Variants in ZSCAN5A observed in about 807,000 individuals in gnomAD.
The protein encoded by ZSCAN5A is zinc finger and SCAN domain-containing protein 5A.
Under a neutral mutation model 23.7 loss-of-function variants are expected in ZSCAN5A, and 12 were observed. The ratio of observed to expected loss-of-function variants is 0.51; its 90% CI spans 0.32 to 0.82. The LOEUF is 0.82. ZSCAN5A is among the 40% of genes least tolerant of loss of function. ZSCAN5A has a pLI of 0.03. For missense variants in ZSCAN5A, 597 were observed against 617.9 expected (o/e 0.97, Z 0.36); for synonymous variants, 257 against 239.9 (o/e 1.07, Z -0.66).
chr19:56,344,347 C>G (rs1364441781), intron 2 of ZSCAN5A, among the ~76,000 whole-genome samples: 4 of 152,172 alleles, frequency 2.6e-5, no homozygotes, highest in Non-Finnish European at 5.9e-5. Context: ...ATATCAATGT[C>G]TTATTTATTA....
At chr19:56,334,174 G>A (rs73628710) in intron 2 of ZSCAN5A, among the ~76,000 whole-genome samples, 2,941 of 152,272 alleles carry the variant, frequency 0.019, 110 homozygotes, top group African/African-American at 0.066. Context: ...GGTGTGACTA[G>A]CCATGGAGAT....
At chr19:56,227,778 G>A (rs1315411563) in intron 2 of ZSCAN5A, among the ~76,000 whole-genome samples, 2 of 152,144 alleles carry the variant, frequency 1.3e-5, no homozygotes, top group East Asian at 3.9e-4. Flanking sequence ...GTGTGTGGCA[G>A]GCAAAGTGGC....
intron 2 of ZSCAN5A, among the ~76,000 whole-genome samples, chr19:56,267,415 C>A (rs2037552825): frequency 6.6e-6 from 1 of 152,160 alleles, no homozygotes; most frequent in Admixed American, 6.5e-5. Flanking sequence ...CGCTTAGTAT[C>A]ATGATTTAGA....
At chr19:56,238,021 GAAAC>G (rs1373201610) in intron 2 of ZSCAN5A, among the ~76,000 whole-genome samples, 2 of 1,200 alleles carry the variant, frequency 1.7e-3, no homozygotes, top group Non-Finnish European at 4.1e-3. Context: ...ACACGTCAAA[GAAAC>G]AAAAAGCAAG....
At chr19:56,276,978 C>T (rs938574524) in intron 2 of ZSCAN5A, among the ~76,000 whole-genome samples, 4 of 151,912 alleles carry the variant, frequency 2.6e-5, no homozygotes, top group South Asian at 2.1e-4. Flanking sequence ...CAAATAAGCA[C>T]ATAAAAAGAT....
At chr19:56,293,692 A>G (rs1011188332) in intron 2 of ZSCAN5A, among the ~76,000 whole-genome samples, 2 of 152,130 alleles carry the variant, frequency 1.3e-5, no homozygotes, top group African/African-American at 2.4e-5. Context: ...ATGATTCCCA[A>G]TTGGGGAGAT....
chr19:56,261,203 CA>C (rs71293970), intron 2 of ZSCAN5A, among the ~76,000 whole-genome samples: 145 of 136,440 alleles, frequency 1.1e-3, no homozygotes, highest in African/African-American at 2.5e-3. Flanking sequence ...GCAAGACTCT[CA>C]AAAAAAAAAA....
At chr19:56,321,885 C>T (rs2041379634) in intron 2 of ZSCAN5A, 1 of 794,816 alleles carries the variant, frequency 1.3e-6, no homozygotes, top group Non-Finnish European at 2.3e-6. Context: ...TTGGCACGCT[C>T]ATCAAGGGCT....
At chr19:56,335,417 C>T (rs1198997736) in intron 2 of ZSCAN5A, among the ~76,000 whole-genome samples, 1 of 152,054 alleles carries the variant, frequency 6.6e-6, no homozygotes, top group Non-Finnish European at 1.5e-5. Flanking sequence ...GCTAGCCAGG[C>T]CAACATTTCC....
intron 1 of ZSCAN5A, among the ~76,000 whole-genome samples, chr19:56,313,975 G>C (rs908734233): frequency 6.6e-6 from 1 of 152,174 alleles, no homozygotes; most frequent in African/African-American, 2.4e-5. Context: ...ATTTGGCAAT[G>C]TCTGGAGACA....
rs2041672523 is a variant in ZSCAN5A at position 56,352,300 on chromosome 19, A to G, written c.-358+10935T>C. On this transcript the variant is annotated intron_variant, in intron 2 of 6. Coordinates refer to the ZSCAN5A transcript ENST00000587340. This position sits in a 1 kb window ranked among gnomAD's most constrained non-coding sequence, Gnocchi z 4.2. ...TCTACTCAGAGAGACGGATTAAACC[A>G]GACAATTAAACATAATGCAAATGAA... is the stretch of plus-strand genomic sequence containing the variant. Among the ~76,000 whole-genome samples, 1 of 152,186 alleles carries G rather than the reference A, an allele frequency of 6.6e-6. No homozygotes were observed. Among genetic ancestry groups the G allele is most frequent in the East Asian group, 1.9e-4 (1 of 5,194 alleles).
chr19:56,348,311 G>C (rs1600298140), intron 2 of ZSCAN5A: 1 of 152,168 alleles, frequency 6.6e-6, no homozygotes, highest in African/African-American at 2.4e-5. Flanking sequence ...CAGGAAAAAG[G>C]CTAATCCAAT....
intron 2 of ZSCAN5A, among the ~76,000 whole-genome samples, chr19:56,305,008 C>T (rs1406126693): frequency 6.6e-6 from 1 of 152,186 alleles, no homozygotes; most frequent in African/African-American, 2.4e-5. Flanking sequence ...AAGCCACTGC[C>T]TGACAGGGGC....
intron 2 of ZSCAN5A, among the ~76,000 whole-genome samples, chr19:56,326,290 A>T (rs1450009684): frequency 1.4e-5 from 2 of 147,670 alleles, no homozygotes; most frequent in African/African-American, 5.2e-5. Context: ...ATATATCCAC[A>T]TCTCACAGTT....
At chr19:56,300,927 G>C (rs963519432) in intron 2 of ZSCAN5A, among the ~76,000 whole-genome samples, 1 of 152,144 alleles carries the variant, frequency 6.6e-6, no homozygotes, top group South Asian at 2.1e-4. Flanking sequence ...CGACACGGTC[G>C]GATCTGGTGC....
At chr19:56,250,479 C>T (rs1412301629) in intron 2 of ZSCAN5A, among the ~76,000 whole-genome samples, 2 of 152,162 alleles carry the variant, frequency 1.3e-5, no homozygotes, top group African/African-American at 4.8e-5. Context: ...AATGCAGGGT[C>T]TGATTCAGTG....
intron 2 of ZSCAN5A, among the ~76,000 whole-genome samples, chr19:56,291,819 A>G (rs928861610): frequency 3.3e-5 from 5 of 152,300 alleles, no homozygotes; most frequent in Middle Eastern, 3.4e-3. Context: ...TCTCATGGAA[A>G]CCAATCCCTC....
intron 2 of ZSCAN5A, chr19:56,342,525 A>C (rs2041600901): frequency 5.6e-6 from 2 of 357,188 alleles, no homozygotes; most frequent in Non-Finnish European, 1.2e-5. Context: ...TATCTCCAGG[A>C]AGAATGGACC....
At chr19:56,297,373 CCTCCCTCCCTCT>C (rs1322297383) in intron 2 of ZSCAN5A, 2 of 166,274 alleles carry the variant, frequency 1.2e-5, no homozygotes, top group Admixed American at 6.6e-5. Context: ...TCTTCCTCTT[CCTCCCTCCCTCT>C]CTCCCTCCCT....
Sources: allele counts gnomAD v4.1 joint callset (sites outside exome capture counted in the v4.1 genomes callset), GRCh38; gene constraint gnomAD v4.1.1; non-coding constraint Gnocchi (gnomAD v3.1); transcripts MANE v1.5; gene names NCBI Gene and HGNC (gene_info 2026-07-23, HGNC 2026-07-21).